B4GALNT2: variants seen among roughly 807,000 people sequenced by gnomAD.
B4GALNT2 encodes N-acetylneuraminylgalactosylglucosyl-glucoside beta-1,4-N- acetylgalactosaminyltransferase 2.
In B4GALNT2, 42 loss-of-function variants were observed where a neutral mutation model predicts 51.1. That is an observed-to-expected ratio of 0.82 (90% CI 0.64 to 1.06). The LOEUF is 1.06. Ranked by LOEUF, B4GALNT2 falls within the 50% of genes least tolerant of loss-of-function variation. B4GALNT2 has a pLI of 0.00. For missense variants in B4GALNT2, 602 were observed against 633.6 expected (o/e 0.95, Z 0.54); for synonymous variants, 253 against 251.7 (o/e 1.01, Z -0.05).
At chr17:49,143,295 C>CAACAACAA (rs1555610648) in intron 3 of B4GALNT2, among the ~76,000 whole-genome samples, 3 of 98,256 alleles carry the variant, frequency 3.1e-5, no homozygotes, top group Admixed American at 1.1e-4. Context: ...ACAACAACAA[C>CAACAACAA]AAAAACAAAA....
At chr17:49,122,870 T>C in the B4GALNT2 span, among the ~76,000 whole-genome samples, 3 of 152,148 alleles carry the variant, frequency 2.0e-5, no homozygotes, top group Admixed American at 6.6e-5. Context: ...CTGCAAATAG[T>C]AGAGTGAGTA....
rs778691939 is a variant in B4GALNT2, at chr17:49,166,127, G to T, written c.968G>T (p.Gly323Val). The T allele has an allele frequency of 2.5e-6, 4 of 1,613,988 alleles. No individual in the cohort carries two copies. The South Asian group carries it at 4.4e-5, about 18-fold the overall frequency. Residue 323 changes from glycine to valine, a missense_variant, in exon 9 of 11, where the codon GGT (glycine) becomes GTT (valine). Transcript: ENST00000393354. ...TTTCATCTACAGGGTTGGTTTGCTG[G>T]TAGGAACCTGGCCATATCTCAGGTC... ...TMPFGKGWFA[G>V]RNLAISQVTT...
chr17:49,146,187 T>C (rs1598202746), intron 3 of B4GALNT2, among the ~76,000 whole-genome samples: 1 of 152,202 alleles, frequency 6.6e-6, no homozygotes, highest in Non-Finnish European at 1.5e-5. Context: ...TGTCACCTAG[T>C]TGGCATTATA....
chr17:49,134,745 G>A (rs910534217), intron 1 of B4GALNT2, among the ~76,000 whole-genome samples: 2 of 152,010 alleles, frequency 1.3e-5, no homozygotes, highest in Non-Finnish European at 2.9e-5. Context: ...ACGCCACCAC[G>A]CCCTGCTAAT....
chr17:49,132,389 T>G, upstream of B4GALNT2: 1 of 199,100 alleles, frequency 5.0e-6, no homozygotes, highest in Non-Finnish European at 1.0e-5. Flanking sequence ...GTGGAGTGCG[T>G]GGTGAAGTGG....
chr17:49,153,727 C>A (rs566881242), intron 4 of B4GALNT2, among the ~76,000 whole-genome samples: 1 of 151,996 alleles, frequency 6.6e-6, no homozygotes, highest in Non-Finnish European at 1.5e-5. Flanking sequence ...AGGCTAGTCT[C>A]GAATTCCTGA....
chr17:49,157,326 A>AT lies in B4GALNT2; in HGVS notation c.498+735dup, dbSNP rs34444544. Among the ~76,000 whole-genome samples the AT allele has an allele frequency of 0.019, 2,723 of 146,852 alleles. 212 individuals carry two copies. The East Asian group carries it at 0.25, about 13-fold the overall frequency. ...AGGCACGCACCAACAAACCTGGTTA[A>AT]TTTTTTTTTTTTGAGATGGAGTCTC... is the stretch of plus-strand genomic sequence containing the variant. On this transcript the variant is annotated intron_variant, in intron 5 of 10. Transcript: ENST00000393354.
upstream of B4GALNT2, among the ~76,000 whole-genome samples, chr17:49,130,525 C>T (rs1598190583): frequency 6.6e-6 from 1 of 152,176 alleles, no homozygotes; most frequent in Admixed American, 6.5e-5. Context: ...ATAATCCCAG[C>T]TACTTAGGAG....
At chr17:49,129,843 G>C (rs1329024568), upstream of B4GALNT2, among the ~76,000 whole-genome samples, 3 of 152,138 alleles carry the variant, frequency 2.0e-5, no homozygotes, top group Non-Finnish European at 4.4e-5. Flanking sequence ...TGTCATTTGT[G>C]GTTTATGGTC....
intron 4 of B4GALNT2, among the ~76,000 whole-genome samples, chr17:49,154,438 C>T (rs777355655): frequency 6.6e-6 from 1 of 152,044 alleles, no homozygotes; most frequent in African/African-American, 2.4e-5. Flanking sequence ...GAAGGATGAG[C>T]CTGCAGGCAC....
chr17:49,149,946 G>GT (rs201289162), intron 3 of B4GALNT2, among the ~76,000 whole-genome samples: 36 of 151,980 alleles, frequency 2.4e-4, no homozygotes, highest in Admixed American at 3.9e-4. Context: ...GGTATTCCAT[G>GT]TTTTTTTTAA....
rs543766791 is a variant in B4GALNT2, at chr17:49,169,889, G to A, written c.*161G>A. 1 of 661,960 alleles carries A rather than the reference G, an allele frequency of 1.5e-6. No homozygotes were observed. The highest frequency in any genetic ancestry group is 2.6e-5 in the South Asian group (1 of 38,222). The allele number at this position is 661,960 out of a possible 1,614,324, so 41.0% of individuals were successfully genotyped here. On this transcript the variant is annotated 3_prime_UTR_variant, in exon 11 of 11. Coordinates refer to ENST00000393354, the MANE Select transcript of B4GALNT2 (RefSeq NM_001159387.2). The stretch of plus-strand genomic sequence containing the variant: ...ACTGGAAGTACCAATCAAAGGTGAA[G>A]GGTCACTGGAAATGAACCAGTCACT...
chr17:49,156,191 G>A (rs1381489732), intron 4 of B4GALNT2, among the ~76,000 whole-genome samples: 3 of 151,996 alleles, frequency 2.0e-5, no homozygotes, highest in Non-Finnish European at 4.4e-5. Context: ...CTGGCCCCTG[G>A]CAACCACCGT....
upstream of B4GALNT2, among the ~76,000 whole-genome samples, chr17:49,130,275 G>A (rs185551098): frequency 6.6e-6 from 1 of 152,244 alleles, no homozygotes; most frequent in African/African-American, 2.4e-5. Context: ...AGCTGGTGTG[G>A]GGAAAAGAGC....
intron 7 of B4GALNT2, among the ~76,000 whole-genome samples, chr17:49,163,803 G>A (rs187107341): frequency 2.7e-5 from 4 of 148,960 alleles, no homozygotes; most frequent in East Asian, 3.9e-4. Context: ...CATAAGCAAA[G>A]TGCTAACAGG....
chr17:49,137,366 A>G (rs1234900059), intron 1 of B4GALNT2, among the ~76,000 whole-genome samples: 2 of 152,312 alleles, frequency 1.3e-5, no homozygotes, highest in South Asian at 2.1e-4. Context: ...GGTTCGTTAT[A>G]GTAGGAGTGG....
the B4GALNT2 span, among the ~76,000 whole-genome samples, chr17:49,120,662 T>G: frequency 5.9e-5 from 9 of 152,052 alleles, no homozygotes; most frequent in Non-Finnish European, 8.8e-5. Flanking sequence ...TGCACCACCA[T>G]GCCTGGCTAA....
intron 5 of B4GALNT2, 111 bp from the exon 6 acceptor site, chr17:49,158,926 C>A: frequency 7.8e-7 from 1 of 1,281,296 alleles, no homozygotes; most frequent in Non-Finnish European, 1.1e-6. Flanking sequence ...GTGCTTCTCC[C>A]CTCACCCTTA....
Position 49,150,927 on chromosome 17 carries a change from AT to A in B4GALNT2, c.354-1872del, listed in dbSNP as rs200171589. 3.9e-3 allele frequency among the ~76,000 whole-genome samples: 595 copies of A among 152,242 alleles called. 9 individuals carry two copies. The highest frequency in any genetic ancestry group is 0.013 in the African/African-American group (553 of 41,490). ...CACCCAAGAATGATCAATTAAAAAA[AT>A]AATAATAAAAAATAAAAATTTTGCC... On this transcript the variant is annotated intron_variant, in intron 3 of 10. Coordinates refer to ENST00000393354, the MANE Select transcript of B4GALNT2 (RefSeq NM_001159387.2).
Sources: allele counts gnomAD v4.1 joint callset (sites outside exome capture counted in the v4.1 genomes callset), GRCh38; gene constraint gnomAD v4.1.1; transcripts MANE v1.5; gene names NCBI Gene and HGNC (gene_info 2026-07-23, HGNC 2026-07-21).